SPTBN1: variants seen among roughly 807,000 people sequenced by gnomAD.
SPTBN1 encodes the protein spectrin beta chain, non-erythrocytic 1.
SPTBN1 carries 32 observed loss-of-function variants against 266.4 expected under a neutral mutation model. That is an observed-to-expected ratio of 0.12 (90% confidence interval 0.09 to 0.16). The LOEUF (loss-of-function observed/expected upper bound fraction) is 0.16, where lower values mean the gene tolerates loss of function less well. SPTBN1 is among the 10% of genes least tolerant of loss of function. The pLI, the probability that SPTBN1 is intolerant of heterozygous loss-of-function variation, is 1.00. For missense variants in SPTBN1, 2,296 were observed against 3,067.1 expected (o/e 0.75, Z 5.94); for synonymous variants, 1,336 against 1,162.2 (o/e 1.15, Z -3.04).
intron 18 of SPTBN1, among the ~76,000 whole-genome samples, chr2:54,642,611 A>G (rs1255749237): frequency 6.6e-6 from 1 of 151,708 alleles, no homozygotes. Context: ...CATGATTAAC[A>G]TGGTATAGCT....
intron 1 of SPTBN1, among the ~76,000 whole-genome samples, chr2:54,504,212 G>C (rs563600050): frequency 1.3e-5 from 2 of 152,316 alleles, no homozygotes; most frequent in African/African-American, 4.8e-5. Context: ...GAGGCAGAGA[G>C]GTTTGTGTAA....
chr2:54,507,225 C>T (rs577780876), intron 1 of SPTBN1, among the ~76,000 whole-genome samples: 1 of 152,290 alleles, frequency 6.6e-6, no homozygotes, highest in Non-Finnish European at 1.5e-5. Flanking sequence ...TCAGTTGCTT[C>T]AGGCCATCTG....
intron 2 of SPTBN1, among the ~76,000 whole-genome samples, chr2:54,542,107 T>A (rs1671973133): frequency 6.6e-6 from 1 of 152,244 alleles, no homozygotes; most frequent in African/African-American, 2.4e-5. Flanking sequence ...AGTGAATGAA[T>A]GAGTAAAATA....
chr2:54,574,381 G>A (rs1674312292), intron 2 of SPTBN1, among the ~76,000 whole-genome samples: 1 of 152,118 alleles, frequency 6.6e-6, no homozygotes, highest in Admixed American at 6.5e-5. Context: ...ATCTTCTTGG[G>A]ATCATTTAGG....
chr2:54,553,365 G>A (rs997105194), intron 2 of SPTBN1, among the ~76,000 whole-genome samples: 7 of 152,206 alleles, frequency 4.6e-5, no homozygotes, highest in Non-Finnish European at 8.8e-5. Flanking sequence ...AGAGAGGTAA[G>A]ACAGAAAGAG....
At chr2:54,468,023 T>A (rs2103839288) in intron 1 of SPTBN1, among the ~76,000 whole-genome samples, 1 of 152,270 alleles carries the variant, frequency 6.6e-6, no homozygotes, top group South Asian at 2.1e-4. Context: ...TTTTAGTGTT[T>A]CTCGGCCAGG....
chr2:54,661,001 T>A lies in SPTBN1; in HGVS notation c.6420+1002T>A, dbSNP rs563773770. 2.8e-5 allele frequency: 28 copies of A among 985,420 alleles called. 1 individual carries two copies. The Admixed American group carries it at 1.5e-3, about 54-fold the overall frequency. The allele number at this position is 985,420 out of a possible 1,614,324, so 61.0% of individuals were successfully genotyped here. ...AGAAGCCATTGTGGTTCATCCTGAT[T>A]ACTTGAACGTTGCACTTGGTGGACC... On this transcript the variant is annotated intron_variant, in intron 32 of 35. Coordinates refer to ENST00000356805, the MANE Select transcript of SPTBN1 (RefSeq NM_003128.3).
intron 2 of SPTBN1, chr2:54,527,860 C>G (rs1190412141): frequency 6.6e-6 from 1 of 152,198 alleles, no homozygotes; most frequent in Non-Finnish European, 1.5e-5. Flanking sequence ...AACTTCTAAA[C>G]AGGATGCACC....
chr2:54,619,234 T>C (rs1173085713), intron 7 of SPTBN1, among the ~76,000 whole-genome samples: 1 of 152,258 alleles, frequency 6.6e-6, no homozygotes, highest in Non-Finnish European at 1.5e-5. Context: ...TTCACTGATA[T>C]GTTGGCTACA....
chr2:54,529,891 C>G, intron 2 of SPTBN1: 3 of 371,572 alleles, frequency 8.1e-6, no homozygotes, highest in Non-Finnish European at 9.6e-6. Flanking sequence ...AAAAGGTCCA[C>G]TTGATGTGGG....
At position 54,612,151 on chromosome 2, in the gene SPTBN1, C is replaced by T. The variant is rs1048497253; in HGVS notation, c.301-10C>T. On this transcript the variant is annotated splice_polypyrimidine_tract_variant and intron_variant, in intron 3 of 35. Coordinates refer to ENST00000356805, the MANE Select transcript of SPTBN1 (RefSeq NM_003128.3). ...GTGATGTGTCTCTACCTCTGCTCTC[C>T]TGTTTCTAGCCTAAACCCACCAAGG... 1 of 1,580,296 alleles carries T rather than the reference C, an allele frequency of 6.3e-7. No individual in the cohort carries two copies. Among genetic ancestry groups the T allele is most frequent in the African/African-American group, 1.3e-5 (1 of 74,102 alleles).
At chr2:54,489,410 A>G (rs1022448333) in intron 1 of SPTBN1, among the ~76,000 whole-genome samples, 2 of 152,006 alleles carry the variant, frequency 1.3e-5, no homozygotes, top group Admixed American at 6.6e-5. Flanking sequence ...TTTTAGAATC[A>G]TAATTCTAAG....
At chr2:54,624,638 C>T (rs377020077) in intron 10 of SPTBN1, among the ~76,000 whole-genome samples, 166 bp from the exon 11 acceptor site, 64 of 152,086 alleles carry the variant, frequency 4.2e-4, no homozygotes, top group Non-Finnish European at 4.6e-4. Context: ...GAGAAAAACC[C>T]GTTTTTTTCC....
At chr2:54,584,756 A>G (rs1675171160) in intron 2 of SPTBN1, among the ~76,000 whole-genome samples, 1 of 152,190 alleles carries the variant, frequency 6.6e-6, no homozygotes, top group Non-Finnish European at 1.5e-5. Flanking sequence ...AGCAAGAGCA[A>G]GAAGCTTCCT....
At chr2:54,655,347 G>A (rs1680580905) in intron 28 of SPTBN1, 139 bp downstream of exon 28, 1 of 1,216,206 alleles carries the variant, frequency 8.2e-7, no homozygotes, top group Non-Finnish European at 1.1e-6. Context: ...CCTTTCCTGT[G>A]CGTCTAGAAT....
At chr2:54,656,175 G>A (rs1350033943) in intron 29 of SPTBN1, among the ~76,000 whole-genome samples, 177 bp downstream of exon 29, 1 of 152,118 alleles carries the variant, frequency 6.6e-6, no homozygotes, top group Non-Finnish European at 1.5e-5. Context: ...GCTTCCTATG[G>A]CGTAGTCATT....
At chr2:54,656,735 G>A (rs1022628658) in intron 29 of SPTBN1, among the ~76,000 whole-genome samples, 4 of 152,138 alleles carry the variant, frequency 2.6e-5, no homozygotes, top group Admixed American at 6.5e-5. Context: ...GAGGTTTGAC[G>A]GCACACTCTG....
rs1043233508 is a variant in SPTBN1, at chr2:54,668,213, G to A, written c.6877-138G>A. 4 of 725,710 alleles carry A rather than the reference G, an allele frequency of 5.5e-6. No individual in the cohort carries two copies. In the Admixed American group the frequency reaches 7.1e-5, roughly 13 times the overall value. 45.0% of individuals were successfully genotyped at this position (725,710 alleles called of 1,614,324 possible). A position where few individuals can be genotyped will look rare whatever the true frequency, so the allele number is the denominator to read the frequency against. On this transcript the variant is annotated intron_variant, in intron 35 of 35. Transcript: ENST00000356805. ...CCCTCTCCTGTACTGATAAGGCAGA[G>A]GTGCATTTGGGGACAGTGCCCAGAA... is the stretch of plus-strand genomic sequence containing the variant.
At chr2:54,553,287 G>T (rs892211667) in intron 2 of SPTBN1, among the ~76,000 whole-genome samples, 1 of 152,198 alleles carries the variant, frequency 6.6e-6, no homozygotes, top group Admixed American at 6.5e-5. Context: ...AGAAAAGAAT[G>T]ATCTCAGTTA....
Sources: allele counts gnomAD v4.1 joint callset (sites outside exome capture counted in the v4.1 genomes callset), GRCh38; gene constraint gnomAD v4.1.1; transcripts MANE v1.5; gene names NCBI Gene and HGNC (gene_info 2026-07-23, HGNC 2026-07-21).